The following LRIG3 variants were observed in gnomAD, a reference collection of about 807,000 sequenced individuals.
The protein encoded by LRIG3 is leucine-rich repeats and immunoglobulin-like domains protein 3.
In LRIG3, 76 loss-of-function variants were observed where a neutral mutation model predicts 114.5. That is an observed-to-expected ratio of 0.66 (90% CI 0.55 to 0.80). The LOEUF is 0.80. Among genes scored for constraint, LRIG3 ranks in the 30% least tolerant of loss-of-function variants. LRIG3 has a pLI of 0.00. For synonymous variants in LRIG3, 512 were observed against 519.8 expected, an observed-to-expected ratio of 0.98 and a Z score of 0.20; for missense variants, 1,239 against 1,382.8, an observed-to-expected ratio of 0.90 and a Z score of 1.65.
At chr12:58,915,810 C>A (rs1198638586) in intron 1 of LRIG3, among the ~76,000 whole-genome samples, 1 of 152,200 alleles carries the variant, frequency 6.6e-6, no homozygotes, top group Non-Finnish European at 1.5e-5. Flanking sequence ...CAACAACTCA[C>A]GTTAGGATTC....
Position 58,877,814 on chromosome 12 carries a change from C to A in LRIG3, c.2122G>T (p.Val708Leu). 6.2e-7 allele frequency: 1 copy of A among 1,613,034 alleles called. No homozygotes were observed. The highest frequency in any genetic ancestry group is 8.5e-7 in the Non-Finnish European group (1 of 1,179,010). ...AGGACGGCTGTTTCTCCCTTGGTTA[C>A]AGTTCGGTCCAACAGTGGCCGCAAA... ...SFLRPLLDRTVTKGETAVLQC... is the reference protein window; with the variant it reads ...SFLRPLLDRTLTKGETAVLQC... The change falls in exon 15 of 19, where the codon GTA (valine) becomes TTA (leucine). Residue 708 changes from valine (V) to leucine (L), a missense_variant. Physicochemically the swap from Val to Leu is conservative, Grantham distance 32 (BLOSUM62 1). Transcript: ENST00000320743.
At chr12:58,911,973 A>T (rs1410248180) in intron 3 of LRIG3, among the ~76,000 whole-genome samples, 1 of 152,222 alleles carries the variant, frequency 6.6e-6, no homozygotes, top group Admixed American at 6.5e-5. Flanking sequence ...TCTAGGTAAC[A>T]CATTGGATGT....
chr12:58,891,334 C>T (rs924113660), intron 3 of LRIG3, among the ~76,000 whole-genome samples: 1 of 151,992 alleles, frequency 6.6e-6, no homozygotes, highest in Non-Finnish European at 1.5e-5. Flanking sequence ...GTCTCAACTC[C>T]TGGCCTCAAG....
chr12:58,877,051 G>T (rs1870946011), intron 15 of LRIG3, among the ~76,000 whole-genome samples: 1 of 152,144 alleles, frequency 6.6e-6, no homozygotes. Context: ...CATACGCACA[G>T]ACAACAAGAC....
In LRIG3 at chr12:58,919,410, G is replaced by A. The variant is rs1175959789; in HGVS notation, c.236+590C>T. Reference sequence around the variant, plus strand: ...ACCGACCAGTCTTTACAATCTGGTTGAGGAGTGGGAACTTACGGTCTGCTA... The same window carrying A: ...ACCGACCAGTCTTTACAATCTGGTTAAGGAGTGGGAACTTACGGTCTGCTA... On this transcript the variant is annotated intron_variant, in intron 1 of 18. Transcript: ENST00000320743. 1.9e-6 allele frequency: 3 copies of A among 1,551,622 alleles called. No individual in the cohort carries two copies. The South Asian group carries it at 3.6e-5, about 18-fold the overall frequency.
chr12:58,889,955 G>A (rs1871397048), intron 5 of LRIG3, 41 bp downstream of exon 5: 2 of 1,599,808 alleles, frequency 1.3e-6, no homozygotes, highest in Non-Finnish European at 1.7e-6. Context: ...CAAGGGTTTG[G>A]AGGAGGTGAG....
chr12:58,874,380 A>G, intron 17 of LRIG3, 50 bp from the exon 18 acceptor site: 2 of 1,610,706 alleles, frequency 1.2e-6, no homozygotes, highest in Non-Finnish European at 1.7e-6. Context: ...TAGCACATCT[A>G]GAAGTCTCTC....
In LRIG3 at chr12:58,908,952, A is replaced by T. The variant is rs2120972296; in HGVS notation, c.383+5030T>A. On this transcript the variant is annotated intron_variant, in intron 3 of 18. Coordinates refer to ENST00000320743, the MANE Select transcript of LRIG3 (RefSeq NM_153377.5). ...AAACAAAATTATTTAATTACTGCGT[A>T]AGTTGGATATACAAGGTAAGATGGG... Among the ~76,000 whole-genome samples, 3 of 152,330 alleles carry T rather than the reference A, an allele frequency of 2.0e-5. No homozygotes were observed. The South Asian group carries it at 6.2e-4, about 32-fold the overall frequency.
At chr12:58,902,468 T>C in intron 3 of LRIG3, among the ~76,000 whole-genome samples, 1 of 152,186 alleles carries the variant, frequency 6.6e-6, no homozygotes, top group East Asian at 1.9e-4. Context: ...GACTGCTCTA[T>C]CTGCTCAATA....
chr12:58,879,871 A>G (rs762055816), intron 13 of LRIG3, among the ~76,000 whole-genome samples: 2 of 152,242 alleles, frequency 1.3e-5, no homozygotes, highest in African/African-American at 2.4e-5. Context: ...CGGAGAAGTG[A>G]AGCAACCTGC....
intron 3 of LRIG3, among the ~76,000 whole-genome samples, chr12:58,909,841 G>A (rs1203270301): frequency 1.3e-5 from 2 of 152,238 alleles, no homozygotes; most frequent in Non-Finnish European, 2.9e-5. Context: ...CTGAAGAACA[G>A]GCCACCATGG....
chr12:58,874,335 T>C lies in LRIG3; in HGVS notation c.2840-5A>G. On this transcript the variant is annotated splice_region_variant and splice_polypyrimidine_tract_variant and intron_variant, in intron 17 of 18. Coordinates refer to ENST00000320743, the MANE Select transcript of LRIG3 (RefSeq NM_153377.5). The stretch of plus-strand genomic sequence containing the variant: ...TTCTTGGGTCAGGACTGCAACCTTT[T>C]TAATATGGGGGCAGTAACAGAAGGA... 6.2e-7 allele frequency: 1 copy of C among 1,606,882 alleles called. No homozygotes were observed. Among genetic ancestry groups the C allele is most frequent in the Non-Finnish European group, 8.5e-7 (1 of 1,176,840 alleles).
At chr12:58,894,587 C>T (rs1170262496) in intron 3 of LRIG3, among the ~76,000 whole-genome samples, 1 of 151,158 alleles carries the variant, frequency 6.6e-6, no homozygotes, top group Non-Finnish European at 1.5e-5. Context: ...TTCTAGTAGA[C>T]AGAGATTCAA....
At chr12:58,912,365 G>A (rs1397433091) in intron 3 of LRIG3, among the ~76,000 whole-genome samples, 5 of 152,056 alleles carry the variant, frequency 3.3e-5, no homozygotes, top group African/African-American at 4.8e-5. Context: ...GCGTAGTGGC[G>A]GACGCCTGTA....
intron 3 of LRIG3, chr12:58,913,511 C>G (rs1872358972): frequency 6.6e-6 from 1 of 152,554 alleles, no homozygotes; most frequent in South Asian, 2.1e-4. Context: ...TCTCTGAACT[C>G]TGATTTACAC....
chr12:58,906,713 A>G (rs1872081039), intron 3 of LRIG3, among the ~76,000 whole-genome samples: 1 of 152,154 alleles, frequency 6.6e-6, no homozygotes, highest in African/African-American at 2.4e-5. Context: ...TGTGAGAAAA[A>G]GAGATGTGGC....
chr12:58,888,866 C>T lies in LRIG3; in HGVS notation c.756G>A (p.Thr252=), dbSNP rs113655165. The change falls in exon 6 of 19, where the codon ACG becomes ACA. Residue 252 remains threonine (T), a synonymous_variant. Transcript: ENST00000320743. ...KSLKMQRNGV[T]KLMDGAFWGL... is the part of the protein sequence containing the mutation. ...CCCAAAAAGCTCCATCCATAAGTTT[C>T]GTTACTCCATTTCTTTGCATTTTCA... 1.1e-3 allele frequency: 1,737 copies of T among 1,613,800 alleles called. 19 individuals carry two copies. The African/African-American group carries it at 0.013, about 12-fold the overall frequency.
intron 3 of LRIG3, among the ~76,000 whole-genome samples, chr12:58,905,780 C>T (rs1872041539): frequency 6.6e-6 from 1 of 152,206 alleles, no homozygotes; most frequent in Non-Finnish European, 1.5e-5. Flanking sequence ...AGATGCCCTA[C>T]ACCGGCTTAG....
At position 58,909,879 on chromosome 12, in the gene LRIG3, T is replaced by C. The variant is rs933762604; in HGVS notation, c.383+4103A>G. Among the ~76,000 whole-genome samples, 38 of 152,342 alleles carry C rather than the reference T, an allele frequency of 2.5e-4. 1 individual carries two copies. The highest frequency in any genetic ancestry group is 9.1e-4 in the African/African-American group (38 of 41,582). On this transcript the variant is annotated intron_variant, in intron 3 of 18. Transcript: ENST00000320743. Reference sequence around the variant, plus strand: ...TCTCAGCCATCATGTGGTTTAATTATCTGCCCCTCTAAACCATCCTCCTGC... The same window carrying C: ...TCTCAGCCATCATGTGGTTTAATTACCTGCCCCTCTAAACCATCCTCCTGC...
Sources: gnomAD v4.1 joint callset for allele counts (sites outside exome capture counted in the v4.1 genomes callset) on GRCh38, gnomAD v4.1.1 for gene constraint, MANE v1.5 for transcripts, NCBI Gene and HGNC (gene_info 2026-07-23, HGNC 2026-07-21) for gene names.